Variants in TET2 observed in about 807,000 individuals in gnomAD.
The protein encoded by TET2 is tet methylcytosine dioxygenase 2, also known as methylcytosine dioxygenase TET2.
TET2 carries 299 observed loss-of-function variants against 142.9 expected under a neutral mutation model. The observed-to-expected ratio is 2.09, with a 90% CI of 1.90 to 2.30. TET2 has a LOEUF of 2.30. Ranked by LOEUF, TET2 falls within the 30% of genes most tolerant of loss-of-function variation. TET2 has a pLI of 0.00. For missense variants in TET2, 2,418 were observed against 2,378.0 expected (o/e 1.02, Z -0.35); for synonymous variants, 819 against 849.0 (o/e 0.96, Z 0.61).
At chr4:105,219,130 A>G (rs896687052) in intron 2 of TET2, among the ~76,000 whole-genome samples, 17 of 152,114 alleles carry the variant, frequency 1.1e-4, no homozygotes, top group African/African-American at 3.9e-4. Context: ...ACTGATACAT[A>G]TTGAAATTTC....
At chr4:105,223,454 T>C (rs1409425826) in intron 2 of TET2, among the ~76,000 whole-genome samples, 4 of 152,046 alleles carry the variant, frequency 2.6e-5, no homozygotes, top group African/African-American at 7.2e-5. Flanking sequence ...ACCTCAAGAG[T>C]GAGACTTGGC....
chr4:105,194,475 C>G (rs951560444), intron 2 of TET2, among the ~76,000 whole-genome samples: 1 of 152,126 alleles, frequency 6.6e-6, no homozygotes, highest in Non-Finnish European at 1.5e-5. Flanking sequence ...AAAAAACCAT[C>G]ACCCTACAGG....
intron 1 of TET2, among the ~76,000 whole-genome samples, chr4:105,159,763 C>T (rs1167883094): frequency 6.6e-6 from 1 of 152,198 alleles, no homozygotes; most frequent in Non-Finnish European, 1.5e-5. Flanking sequence ...CGCCTGTAAT[C>T]CCGGCATTTT....
chr4:105,173,409 C>T (rs1438733946), intron 1 of TET2, among the ~76,000 whole-genome samples: 4 of 151,550 alleles, frequency 2.6e-5, no homozygotes, highest in East Asian at 3.9e-4. Context: ...GGTGTGCTCC[C>T]GTAGTCCCAG....
intron 6 of TET2, among the ~76,000 whole-genome samples, chr4:105,251,473 T>A (rs770763304): frequency 1.3e-5 from 2 of 152,244 alleles, no homozygotes; most frequent in Non-Finnish European, 2.9e-5. Flanking sequence ...ATGCTGTGGC[T>A]ACATCTAATG....
chr4:105,242,282 T>G (rs1729348266), intron 4 of TET2: 1 of 1,081,252 alleles, frequency 9.2e-7, no homozygotes, highest in Admixed American at 5.3e-5. Context: ...TTGTTGTTTT[T>G]TTGTTTTGTT....
chr4:105,155,221 T>A (rs982668169), intron 1 of TET2, among the ~76,000 whole-genome samples: 1 of 152,224 alleles, frequency 6.6e-6, no homozygotes, highest in African/African-American at 2.4e-5. Flanking sequence ...ACTTGTCATG[T>A]TTCAGATTTT....
chr4:105,265,021 G>T (rs1398896068), intron 8 of TET2, among the ~76,000 whole-genome samples: 1 of 152,092 alleles, frequency 6.6e-6, no homozygotes, highest in Non-Finnish European at 1.5e-5. Flanking sequence ...TCCTTTCTTC[G>T]TGTCTATCCA....
Position 105,187,045 on chromosome 4 carries a change from C to T in TET2, c.-192-3315C>T, listed in dbSNP as rs149998396. On this transcript the variant is annotated intron_variant, in intron 1 of 10. Coordinates refer to ENST00000380013, the MANE Select transcript of TET2 (RefSeq NM_001127208.3). ...GTTTGCCAGCTTGATTCCCAGTCAA[C>T]CAGATAACTGCTGGTAGTGACACTC... Among the ~76,000 whole-genome samples, 149 of 152,228 alleles carry T rather than the reference C, an allele frequency of 9.8e-4. 1 individual carries two copies. The highest frequency in any genetic ancestry group is 3.4e-3 in the African/African-American group (143 of 41,542).
At chr4:105,174,382 AAAAAC>A (rs1272068298) in intron 1 of TET2, among the ~76,000 whole-genome samples, 1 of 152,336 alleles carries the variant, frequency 6.6e-6, no homozygotes, top group African/African-American at 2.4e-5. Context: ...TTAAAAAGTA[AAAAAC>A]AAAACAAAAC....
intron 1 of TET2, among the ~76,000 whole-genome samples, chr4:105,190,077 T>C (rs1725693384): frequency 6.6e-6 from 1 of 152,202 alleles, no homozygotes; most frequent in Admixed American, 6.5e-5. Flanking sequence ...GATGAAGTAA[T>C]ATAAGCCACT....
Position 105,234,021 on chromosome 4 carries a change from A to ACAGAAC in TET2, c.81_86dup (p.Glu28_Pro29dup). 6.2e-7 allele frequency: 1 copy of ACAGAAC among 1,614,106 alleles called. No individual in the cohort carries two copies. Among genetic ancestry groups the ACAGAAC allele is most frequent in the Non-Finnish European group, 8.5e-7 (1 of 1,180,004 alleles). ...GATACCATCACCTCCCATTTGCCAGACAGAACCTCTGGCTACAAAGCTCCA... is the reference window on the plus strand; with the variant it reads ...GATACCATCACCTCCCATTTGCCAGACAGAACCAGAACCTCTGGCTACAAAGCTCCA... On this transcript the variant is annotated inframe_insertion, in exon 3 of 11. Transcript: ENST00000380013.
At chr4:105,256,849 C>CTA (rs1730159529) in intron 6 of TET2, among the ~76,000 whole-genome samples, 1 of 152,074 alleles carries the variant, frequency 6.6e-6, no homozygotes, top group South Asian at 2.1e-4. Flanking sequence ...CTTTTCAACT[C>CTA]TGCTATTGAA....
In TET2 at chr4:105,234,721, T is replaced by A. The variant is rs982225595; in HGVS notation, c.779T>A (p.Leu260Ter). 1 of 1,614,092 alleles carries A rather than the reference T, an allele frequency of 6.2e-7. No individual in the cohort carries two copies. The highest frequency in any genetic ancestry group is 8.5e-7 in the Non-Finnish European group (1 of 1,180,006). The change falls in exon 3 of 11, where the codon TTG (leucine) becomes TAG (stop). Residue 260 changes from leucine (L) to a stop codon, truncating the protein, a stop_gained. Transcript: ENST00000380013. LOFTEE classifies it high-confidence loss of function. The stretch of plus-strand genomic sequence containing the variant: ...ATTAACAGTCAGGCTACTAATGAGT[T>A]GTCCTGTGAGATCACTCACCCATCG... The part of the protein sequence containing the change: ...NAINSQATNE[L>*]SCEITHPSHT...
Position 105,260,600 on chromosome 4 carries a change from C to T in TET2, c.3954+831C>T, listed in dbSNP as rs141403204. 2.9e-4 allele frequency among the ~76,000 whole-genome samples: 44 copies of T among 152,122 alleles called. No homozygotes were observed. In the East Asian group the frequency reaches 7.1e-3, roughly 25 times the overall value. On this transcript the variant is annotated intron_variant, in intron 7 of 10. Coordinates refer to ENST00000380013, the MANE Select transcript of TET2 (RefSeq NM_001127208.3). ...ACACTTACAATTATCTTTTGAATTT[C>T]GAATACAATTAAAATATTTCCATAC...
At position 105,224,865 on chromosome 4, in the gene TET2, A is replaced by G. The variant is rs1728088839; in HGVS notation, c.-46-9032A>G. Reference sequence around the variant, plus strand: ...TAGAATTTCTGAAAAAAATGGTGGTATTTATAGTAAATAGAAATATTCTTT... The same window carrying G: ...TAGAATTTCTGAAAAAAATGGTGGTGTTTATAGTAAATAGAAATATTCTTT... On this transcript the variant is annotated intron_variant, in intron 2 of 10. Transcript: ENST00000380013. Among the ~76,000 whole-genome samples the G allele has an allele frequency of 2.0e-5, 3 of 152,238 alleles. No homozygotes were observed. In the South Asian group the frequency reaches 6.2e-4, roughly 32 times the overall value.
At chr4:105,206,587 A>C (rs1447962693) in intron 2 of TET2, among the ~76,000 whole-genome samples, 8 of 152,182 alleles carry the variant, frequency 5.3e-5, no homozygotes, top group African/African-American at 1.9e-4. Context: ...CTGACTTTAA[A>C]AGAGGGACTG....
At chr4:105,237,409 C>A (rs1211756044) in intron 3 of TET2, 58 bp downstream of exon 3, 1 of 1,613,948 alleles carries the variant, frequency 6.2e-7, no homozygotes, top group Non-Finnish European at 8.5e-7. Flanking sequence ...GCAAATTTAT[C>A]TTCAGATATG....
At chr4:105,187,483 T>A (rs544579892) in intron 1 of TET2, among the ~76,000 whole-genome samples, 73 of 152,340 alleles carry the variant, frequency 4.8e-4, no homozygotes, top group Middle Eastern at 6.8e-3. Context: ...GAATATTTAT[T>A]TGGAATACAT....
Sources: allele counts gnomAD v4.1 joint callset (sites outside exome capture counted in the v4.1 genomes callset), GRCh38; gene constraint gnomAD v4.1.1; transcripts MANE v1.5; gene names NCBI Gene and HGNC (gene_info 2026-07-23, HGNC 2026-07-21).